NUCKS1: variants seen among roughly 807,000 people sequenced by gnomAD.
The protein encoded by NUCKS1 is nuclear casein kinase and cyclin dependent kinase substrate 1, also known as nuclear ubiquitous casein and cyclin-dependent kinase substrate 1.
Under a neutral mutation model 33.0 loss-of-function variants are expected in NUCKS1, and 2 were observed. That is an observed-to-expected ratio of 0.06 (90% CI 0.02 to 0.19). NUCKS1 has a LOEUF of 0.19. NUCKS1 is among the 10% of genes least tolerant of loss of function. The pLI, the probability that NUCKS1 is intolerant of heterozygous loss-of-function variation, is 1.00. For synonymous variants in NUCKS1, 106 were observed against 102.8 expected (o/e 1.03, Z -0.19); for missense variants, 201 against 293.6 (o/e 0.68, Z 2.31).
chr1:205,750,160 T>G lies in NUCKS1; in HGVS notation c.-187A>C. ...CTCCTGGAACAGACGAGCCCCCCGC[T>G]CCCCCGTCTCTTCAAAATGGATGAA... On this transcript the variant is annotated 5_prime_UTR_variant, in exon 1 of 7. Transcript: ENST00000367142. 2 of 587,026 alleles carry G rather than the reference T, an allele frequency of 3.4e-6. No homozygotes were observed. The highest frequency in any genetic ancestry group is 6.1e-6 in the Non-Finnish European group (2 of 328,966). 36.4% of individuals were successfully genotyped at this position (587,026 alleles called of 1,614,324 possible).
chr1:205,718,520 A>C (rs757856184), intron 6 of NUCKS1, 41 bp from the exon 7 acceptor site: 1 of 1,596,024 alleles, frequency 6.3e-7, no homozygotes, highest in Admixed American at 1.8e-5. Flanking sequence ...AAGAGAAAAA[A>C]ATGTCTTTAA....
chr1:205,720,681 A>G, intron 4 of NUCKS1, 28 bp from the exon 5 acceptor site: 2 of 1,566,870 alleles, frequency 1.3e-6, no homozygotes, highest in Non-Finnish European at 1.7e-6. Context: ...CCATGATATA[A>G]TGATTAAAGA....
rs1277913198 is a variant in NUCKS1, at chr1:205,718,393, C to T, written c.619G>A (p.Glu207Lys). The change falls in exon 7 of 7, where the codon GAA (glutamate) becomes AAA (lysine). Residue 207 changes from glutamate to lysine, a missense_variant. Physicochemically the swap from Glu to Lys is moderately conservative, Grantham distance 56. Transcript: ENST00000367142. ...GGGCTTTCCGGTTCCTCATCTTCTT[C>T]TTTGGGAGAAGGAGTCTTTTCCTTT... ...ASKEKTPSPKEEDEEPESPPE... is the reference protein window; with the variant it reads ...ASKEKTPSPKKEDEEPESPPE... The T allele has an allele frequency of 1.2e-6, 2 of 1,613,426 alleles. No individual in the cohort carries two copies. The highest frequency in any genetic ancestry group is 1.7e-6 in the Non-Finnish European group (2 of 1,180,000).
At position 205,739,709 on chromosome 1, in the gene NUCKS1, C is replaced by T. The variant is rs139048476; in HGVS notation, c.18-10088G>A. Among the ~76,000 whole-genome samples, 839 of 152,272 alleles carry T rather than the reference C, an allele frequency of 5.5e-3. 9 individuals are homozygous for T. Among genetic ancestry groups the T allele is most frequent in the African/African-American group, 0.019 (810 of 41,550 alleles). ...GAGCTCAAGCAATCTTCTGCCTCAG[C>T]CTCTTAAGTAGCTGGGACTACAGTT... On this transcript the variant is annotated intron_variant, in intron 1 of 6. Coordinates refer to ENST00000367142, the MANE Select transcript of NUCKS1 (RefSeq NM_022731.5).
intron 4 of NUCKS1, among the ~76,000 whole-genome samples, chr1:205,723,422 A>C (rs1207251768): frequency 6.6e-6 from 1 of 152,190 alleles, no homozygotes; most frequent in Non-Finnish European, 1.5e-5. Context: ...ATTTAAGTTA[A>C]AATTTTTACA....
chr1:205,729,004 T>C (rs1653844624), intron 2 of NUCKS1, among the ~76,000 whole-genome samples: 2 of 152,014 alleles, frequency 1.3e-5, no homozygotes, highest in Non-Finnish European at 2.9e-5. Context: ...GGTCTCTTTC[T>C]GTTGCCCAGG....
chr1:205,713,644 A>G lies in NUCKS1; in HGVS notation c.*4636T>C, dbSNP rs552958513. 20 of 152,348 alleles carry G rather than the reference A, an allele frequency of 1.3e-4. No homozygotes were observed. Among genetic ancestry groups the G allele is most frequent in the South Asian group, 4.1e-4 (2 of 4,830 alleles). 9.4% of individuals were successfully genotyped at this position (152,348 alleles called of 1,614,324 possible). ...TTTAAATTAAAGAAAAAAACCTTTT[A>G]AATAAAGTGGTTACATTCAAACTTT... is the stretch of plus-strand genomic sequence containing the variant. On this transcript the variant is annotated 3_prime_UTR_variant, in exon 7 of 7. Transcript: ENST00000367142.
chr1:205,745,044 A>C (rs886518138), intron 1 of NUCKS1, among the ~76,000 whole-genome samples: 2 of 152,200 alleles, frequency 1.3e-5, no homozygotes, highest in Non-Finnish European at 2.9e-5. Flanking sequence ...CACATTTTTC[A>C]AAAATTTTAA....
Position 205,720,656 on chromosome 1 carries a change from G to T in NUCKS1, c.230-3C>A, listed in dbSNP as rs1231149606. The T allele has an allele frequency of 1.2e-6, 2 of 1,607,876 alleles. No homozygotes were observed. Reference sequence around the variant, plus strand: ...TTCTTTTTCATCTTCACTATCCTCTGCAATATCAGAATTACCATGATATAA... The same window carrying T: ...TTCTTTTTCATCTTCACTATCCTCTTCAATATCAGAATTACCATGATATAA... On this transcript the variant is annotated splice_region_variant and splice_polypyrimidine_tract_variant and intron_variant, in intron 4 of 6. Coordinates refer to ENST00000367142, the MANE Select transcript of NUCKS1 (RefSeq NM_022731.5).
At chr1:205,745,275 T>A (rs112152328) in intron 1 of NUCKS1, among the ~76,000 whole-genome samples, 2,227 of 152,272 alleles carry the variant, frequency 0.015, 41 homozygotes, top group African/African-American at 0.05. Context: ...CTTATTTTTT[T>A]AATTTAGTAC....
intron 2 of NUCKS1, among the ~76,000 whole-genome samples, chr1:205,728,835 C>A (rs1232989190): frequency 1.3e-5 from 2 of 152,206 alleles, no homozygotes; most frequent in African/African-American, 4.8e-5. Context: ...TTTCACAAAA[C>A]AGACTCTCAT....
At chr1:205,745,500 G>T (rs1654298739) in intron 1 of NUCKS1, among the ~76,000 whole-genome samples, 2 of 151,004 alleles carry the variant, frequency 1.3e-5, no homozygotes, top group South Asian at 4.2e-4. Flanking sequence ...AAAAAAAAAA[G>T]TATCTCTGAA....
intron 4 of NUCKS1, 133 bp from the exon 5 acceptor site, chr1:205,720,786 T>C (rs1168196613): frequency 8.3e-6 from 7 of 845,420 alleles, no homozygotes; most frequent in Middle Eastern, 6.4e-4. Flanking sequence ...TAGGATATAA[T>C]CTGCAGCTTT....
At chr1:205,743,095 A>G (rs16856251) in intron 1 of NUCKS1, among the ~76,000 whole-genome samples, 2,609 of 152,326 alleles carry the variant, frequency 0.017, 56 homozygotes, top group African/African-American at 0.045. Flanking sequence ...ATACAACTCT[A>G]GAGGGACAAC....
intron 3 of NUCKS1, among the ~76,000 whole-genome samples, chr1:205,727,025 G>A (rs1218078748): frequency 1.3e-5 from 2 of 152,038 alleles, no homozygotes; most frequent in Admixed American, 1.3e-4. Flanking sequence ...GTGCAGTGGT[G>A]CAATCATAGC....
intron 1 of NUCKS1, among the ~76,000 whole-genome samples, chr1:205,735,775 C>T (rs1654019117): frequency 6.6e-6 from 1 of 152,068 alleles, no homozygotes; most frequent in Admixed American, 6.5e-5. Context: ...TAACTTGTTC[C>T]ACCCAGAATA....
intron 1 of NUCKS1, among the ~76,000 whole-genome samples, chr1:205,734,191 C>T (rs1653981638): frequency 6.6e-6 from 1 of 152,076 alleles, no homozygotes; most frequent in South Asian, 2.1e-4. Context: ...TAACTTGTTA[C>T]TTTAAACCTA....
intron 5 of NUCKS1, 95 bp downstream of exon 5, chr1:205,720,406 G>T (rs1290680644): frequency 2.3e-6 from 3 of 1,276,708 alleles, no homozygotes; most frequent in Non-Finnish European, 3.3e-6. Flanking sequence ...GGGACTGGTT[G>T]TAACATTTAG....
chr1:205,735,316 A>G (rs1217286022), intron 1 of NUCKS1, among the ~76,000 whole-genome samples: 1 of 152,186 alleles, frequency 6.6e-6, no homozygotes, highest in Non-Finnish European at 1.5e-5. Flanking sequence ...CATGCTATAC[A>G]TGTTTGTAGT....
Sources: allele counts gnomAD v4.1 joint callset (sites outside exome capture counted in the v4.1 genomes callset), GRCh38; gene constraint gnomAD v4.1.1; transcripts MANE v1.5; gene names NCBI Gene and HGNC (gene_info 2026-07-23, HGNC 2026-07-21).